Variants in PXK observed in about 807,000 individuals in gnomAD.
PXK encodes the protein PX domain containing serine/threonine kinase like, also known as PX domain-containing protein kinase-like protein.
In PXK, 35 loss-of-function variants were observed where a neutral mutation model predicts 84.7. That is an observed-to-expected ratio of 0.41 (90% CI 0.32 to 0.55). The LOEUF is 0.55. PXK is among the 20% of genes least tolerant of loss of function. The pLI is 0.21. For synonymous variants in PXK, 253 were observed against 260.8 expected (o/e 0.97, Z 0.29); for missense variants, 634 against 699.7 (o/e 0.91, Z 1.06).
rs375901853 is a variant in PXK at position 58,390,540 on chromosome 3, C to T, written c.389-42C>T. 55 of 1,513,076 alleles carry T rather than the reference C, an allele frequency of 3.6e-5. No homozygotes were observed. The South Asian group carries it at 4.4e-4, about 12-fold the overall frequency. 93.7% of individuals were successfully genotyped at this position (1,513,076 alleles called of 1,614,324 possible). A position where few individuals can be genotyped will look rare whatever the true frequency, so the allele number is the denominator to read the frequency against. ...TAATATCTTCAGCATATGGCCCTTT[C>T]CTGATATGTCTGACTAATGGGTTTC... On this transcript the variant is annotated intron_variant, in intron 4 of 17. Transcript: ENST00000356151. This position sits in a 1 kb window ranked among gnomAD's most constrained non-coding sequence, Gnocchi z 4.2.
At chr3:58,419,557 T>G (rs4320076) in intron 17 of PXK, among the ~76,000 whole-genome samples, 116,209 of 152,220 alleles carry the variant, frequency 0.76, 44,529 homozygotes, top group South Asian at 0.82. Context: ...CCAGCCAAGT[T>G]ATTTCTTTAT....
At chr3:58,374,515 G>A (rs566265527) in intron 3 of PXK, among the ~76,000 whole-genome samples, 3 of 152,166 alleles carry the variant, frequency 2.0e-5, no homozygotes, top group East Asian at 1.9e-4. Flanking sequence ...ATAGAACTCC[G>A]GGGACTCCTC....
Position 58,403,945 on chromosome 3 carries a change from A to G in PXK, c.1230+35A>G, listed in dbSNP as rs201891946. 2.2e-5 allele frequency: 31 copies of G among 1,398,244 alleles called. No homozygotes were observed. In the East Asian group the frequency reaches 6.4e-4, roughly 29 times the overall value. The allele number at this position is 1,398,244 out of a possible 1,614,324, so 86.6% of individuals were successfully genotyped here. Reference sequence around the variant, plus strand: ...ATTATATCGTTTTTTGGTTTGTGACATAACTAAGTTGACTTTGAAAGTTAG... The same window carrying G: ...ATTATATCGTTTTTTGGTTTGTGACGTAACTAAGTTGACTTTGAAAGTTAG... On this transcript the variant is annotated intron_variant, in intron 13 of 17. Coordinates refer to ENST00000356151, the MANE Select transcript of PXK (RefSeq NM_017771.5).
rs1057385358 is a variant in PXK at position 58,399,150 on chromosome 3, C to T, written c.1103-149C>T. The T allele has an allele frequency of 4.9e-5, 34 of 687,456 alleles. No homozygotes were observed. The highest frequency in any genetic ancestry group is 1.9e-4 in the South Asian group (11 of 59,176). The allele number at this position is 687,456 out of a possible 1,614,324, so 42.6% of individuals were successfully genotyped here. On this transcript the variant is annotated intron_variant, in intron 11 of 17. Transcript: ENST00000356151. The surrounding 1 kb of genome is among the most constrained non-coding windows in gnomAD (Gnocchi z 4.3). ...GTGTTGCCAGCATTCCCCCACCCCA[C>T]GTATGCCATCTGTCTGTGTGTGAAG...
rs559178272 is a variant in PXK, at chr3:58,406,450, T to A, written c.1231-2474T>A. Among the ~76,000 whole-genome samples the A allele has an allele frequency of 9.9e-5, 15 of 151,790 alleles. No individual in the cohort carries two copies. The South Asian group carries it at 2.5e-3, about 25-fold the overall frequency. ...GTACCACCACACCCTGCTAATTTTT[T>A]AATTTTTTTGTAGAGACAGAGTCTT... On this transcript the variant is annotated intron_variant, in intron 13 of 17. Coordinates refer to ENST00000356151, the MANE Select transcript of PXK (RefSeq NM_017771.5).
Position 58,364,229 on chromosome 3 carries a change from G to C in PXK, c.103-1645G>C, listed in dbSNP as rs1054721719. The stretch of plus-strand genomic sequence containing the variant: ...TGTACTGTCTTTGGTTTTGGGACCT[G>C]GGTAATACTAGCTTCATCAAGTGAA... On this transcript the variant is annotated intron_variant, in intron 1 of 17. Transcript: ENST00000356151. The surrounding 1 kb of genome is among the most constrained non-coding windows in gnomAD (Gnocchi z 4.3). Among the ~76,000 whole-genome samples, 1 of 152,074 alleles carries C rather than the reference G, an allele frequency of 6.6e-6. No homozygotes were observed. Among genetic ancestry groups the C allele is most frequent in the African/African-American group, 2.4e-5 (1 of 41,406 alleles).
Position 58,397,304 on chromosome 3 carries a change from T to C in PXK, c.984+104T>C. 6 of 1,366,698 alleles carry C rather than the reference T, an allele frequency of 4.4e-6. No individual in the cohort carries two copies. Among genetic ancestry groups the C allele is most frequent in the Non-Finnish European group, 6.1e-6 (6 of 981,390 alleles). The allele number at this position is 1,366,698 out of a possible 1,614,324, so 84.7% of individuals were successfully genotyped here. On this transcript the variant is annotated intron_variant, in intron 10 of 17. Transcript: ENST00000356151. The surrounding 1 kb of genome is among the most constrained non-coding windows in gnomAD (Gnocchi z 4.7). The stretch of plus-strand genomic sequence containing the variant: ...TGCACCAAGTAGTGAAAGGTATAGT[T>C]GGGACAGGCCTTGCCCGTCAGCCCT...
intron 17 of PXK, among the ~76,000 whole-genome samples, chr3:58,423,670 G>C (rs1044202925): frequency 5.9e-5 from 9 of 152,156 alleles, no homozygotes; most frequent in Non-Finnish European, 8.8e-5. Context: ...AAACCACCTG[G>C]CAGAATGTCT....
intron 13 of PXK, among the ~76,000 whole-genome samples, chr3:58,406,031 A>G (rs1270027270): frequency 6.6e-6 from 1 of 151,806 alleles, no homozygotes; most frequent in Non-Finnish European, 1.5e-5. Flanking sequence ...GTACAATGGC[A>G]TGATCTCGGC....
chr3:58,391,705 G>C (rs2098633198), intron 6 of PXK, 68 bp from the exon 7 acceptor site: 1 of 1,373,230 alleles, frequency 7.3e-7, no homozygotes, highest in Non-Finnish European at 1.0e-6. Flanking sequence ...TAAAATTAAA[G>C]GGAAAGACAA....
intron 3 of PXK, among the ~76,000 whole-genome samples, chr3:58,377,663 T>C (rs900751906): frequency 6.7e-6 from 1 of 148,782 alleles, no homozygotes; most frequent in Non-Finnish European, 1.5e-5. Flanking sequence ...ATGTGGAAAA[T>C]GATAGTAGAT....
Position 58,401,937 on chromosome 3 carries a change from A to G in PXK, c.1182-1925A>G, listed in dbSNP as rs1356139599. On this transcript the variant is annotated intron_variant, in intron 12 of 17. Coordinates refer to ENST00000356151, the MANE Select transcript of PXK (RefSeq NM_017771.5). This position sits in a 1 kb window ranked among gnomAD's most constrained non-coding sequence, Gnocchi z 4.4. Reference sequence around the variant, plus strand: ...ATAAAACAAACTGGGGGCGCAGGATATTCAGCCAGGCATACTGGCACATGC... The same window carrying G: ...ATAAAACAAACTGGGGGCGCAGGATGTTCAGCCAGGCATACTGGCACATGC... Among the ~76,000 whole-genome samples the G allele has an allele frequency of 2.0e-5, 3 of 152,120 alleles. No homozygotes were observed. Among genetic ancestry groups the G allele is most frequent in the Non-Finnish European group, 4.4e-5 (3 of 68,028 alleles).
rs1016876630 is a variant in PXK, at chr3:58,353,920, G to A, written c.103-11954G>A. ...TTGGATTTACCCTGTGAGCCAGTGG[G>A]AGCCATGGAAGGTCCTGGAGCAGAG... is the stretch of plus-strand genomic sequence containing the variant. On this transcript the variant is annotated intron_variant, in intron 1 of 17. Coordinates refer to ENST00000356151, the MANE Select transcript of PXK (RefSeq NM_017771.5). Among the ~76,000 whole-genome samples the A allele has an allele frequency of 2.6e-5, 4 of 152,218 alleles. No individual in the cohort carries two copies. In the East Asian group the frequency reaches 7.7e-4, roughly 29 times the overall value.
rs139614866 is a variant in PXK, at chr3:58,411,955, G to A, written c.1466-946G>A. On this transcript the variant is annotated intron_variant, in intron 16 of 17. Coordinates refer to ENST00000356151, the MANE Select transcript of PXK (RefSeq NM_017771.5). This position sits in a 1 kb window ranked among gnomAD's most constrained non-coding sequence, Gnocchi z 4.2. ...GTTTAATCAGGACATTTCTCATCAT[G>A]GCCAGTGTCCATGAGACACCAACAT... is the stretch of plus-strand genomic sequence containing the variant. Among the ~76,000 whole-genome samples, 1 of 152,248 alleles carries A rather than the reference G, an allele frequency of 6.6e-6. No homozygotes were observed. The highest frequency in any genetic ancestry group is 1.5e-5 in the Non-Finnish European group (1 of 68,024).
At chr3:58,351,084 A>T (rs969296087) in intron 1 of PXK, among the ~76,000 whole-genome samples, 4 of 152,212 alleles carry the variant, frequency 2.6e-5, no homozygotes, top group Non-Finnish European at 5.9e-5. Context: ...AGTACTGATG[A>T]GTAGTAAAAT....
At chr3:58,343,889 C>T (rs1438945007) in intron 1 of PXK, among the ~76,000 whole-genome samples, 7 of 152,192 alleles carry the variant, frequency 4.6e-5, no homozygotes, top group Admixed American at 3.9e-4. Context: ...CTCTTGTCTG[C>T]CAAGCTGGAT....
intron 7 of PXK, among the ~76,000 whole-genome samples, chr3:58,393,456 T>C (rs1277351485): frequency 6.6e-6 from 1 of 152,304 alleles, no homozygotes; most frequent in East Asian, 1.9e-4. Context: ...GATAAAAAAG[T>C]AAATTATATA....
Position 58,400,523 on chromosome 3 carries a change from A to T in PXK, c.1181+1146A>T, listed in dbSNP as rs919323180. Among the ~76,000 whole-genome samples the T allele has an allele frequency of 2.6e-4, 40 of 152,300 alleles. No homozygotes were observed. Among genetic ancestry groups the T allele is most frequent in the African/African-American group, 9.4e-4 (39 of 41,556 alleles). On this transcript the variant is annotated intron_variant, in intron 12 of 17. Coordinates refer to ENST00000356151, the MANE Select transcript of PXK (RefSeq NM_017771.5). The surrounding 1 kb of genome is among the most constrained non-coding windows in gnomAD (Gnocchi z 4.0). ...GCTGCTGTCCTAGGCACTGTAATGA[A>T]AAGAGGAAACCAAGCCCCTGCCCCG...
At chr3:58,423,010 G>T in intron 17 of PXK, 1 of 985,340 alleles carries the variant, frequency 1.0e-6, no homozygotes, top group Non-Finnish European at 1.2e-6. Context: ...GGGTGGGAGG[G>T]TGCTGGGGAA....
Sources: gnomAD v4.1 joint callset for allele counts (sites outside exome capture counted in the v4.1 genomes callset) on GRCh38, gnomAD v4.1.1 for gene constraint, Gnocchi (gnomAD v3.1) non-coding constraint, MANE v1.5 for transcripts, NCBI Gene and HGNC (gene_info 2026-07-23, HGNC 2026-07-21) for gene names.